CFAP95: variants seen among roughly 807,000 people sequenced by gnomAD.
CFAP95 encodes the protein cilia and flagella associated protein 95, also known as cilia- and flagella-associated protein 95.
At chr9:69,832,620 A>AGTTTTTTTTTTTTT in the CFAP95 span, among the ~76,000 whole-genome samples, 1 of 11,344 alleles carries the variant, frequency 8.8e-5, no homozygotes. Flanking sequence ...GTCTATTCGG[A>AGTTTTTTTTTTTTT]TTTTTTTTTT....
At chr9:69,848,552 G>A in the CFAP95 span, among the ~76,000 whole-genome samples, 1 of 152,094 alleles carries the variant, frequency 6.6e-6, no homozygotes, top group African/African-American at 2.4e-5. Flanking sequence ...CATACCCAGG[G>A]GAAACCAAAG....
chr9:69,881,977 CA>C, the CFAP95 span, among the ~76,000 whole-genome samples: 3 of 138,536 alleles, frequency 2.2e-5, no homozygotes, highest in African/African-American at 8.1e-5. Flanking sequence ...TCCCTGTTAA[CA>C]TATAGAAATG....
At chr9:69,880,169 A>G in the CFAP95 span, among the ~76,000 whole-genome samples, 2 of 152,180 alleles carry the variant, frequency 1.3e-5, no homozygotes, top group East Asian at 3.9e-4. Context: ...TAGTTATTTT[A>G]AAGTGTACAA....
chr9:69,905,582 T>C, the CFAP95 span, among the ~76,000 whole-genome samples: 1 of 152,174 alleles, frequency 6.6e-6, no homozygotes, highest in African/African-American at 2.4e-5. Flanking sequence ...TTCTTTGCAA[T>C]GGTTATAACA....
the CFAP95 span, among the ~76,000 whole-genome samples, chr9:69,904,824 T>C: frequency 3.3e-5 from 5 of 152,318 alleles, no homozygotes; most frequent in African/African-American, 1.2e-4. Flanking sequence ...CACAGAACAG[T>C]GACACAGATA....
At chr9:69,835,873 G>A in the CFAP95 span, among the ~76,000 whole-genome samples, 2 of 152,142 alleles carry the variant, frequency 1.3e-5, no homozygotes, top group Non-Finnish European at 2.9e-5. Context: ...AGAAACCCTA[G>A]AGTATAACCT....
At chr9:69,876,690 A>G in the CFAP95 span, among the ~76,000 whole-genome samples, 1 of 152,092 alleles carries the variant, frequency 6.6e-6, no homozygotes, top group African/African-American at 2.4e-5. Context: ...GCTAGAGTGC[A>G]ATGGCGCAGT....
At chr9:69,861,440 G>A in the CFAP95 span, among the ~76,000 whole-genome samples, 4 of 152,080 alleles carry the variant, frequency 2.6e-5, no homozygotes, top group African/African-American at 9.7e-5. Flanking sequence ...TATGAATACT[G>A]CATTATGTAT....
chr9:69,873,997 A>G, the CFAP95 span, among the ~76,000 whole-genome samples: 15 of 152,198 alleles, frequency 9.9e-5, no homozygotes, highest in African/African-American at 3.4e-4. Context: ...CTGCCTTATA[A>G]AGTATATAAT....
the CFAP95 span, among the ~76,000 whole-genome samples, chr9:69,841,132 A>G: frequency 7.7e-6 from 1 of 130,326 alleles, no homozygotes; most frequent in Admixed American, 8.5e-5. Context: ...AGTTAGACTG[A>G]TGGTATAAAG....
At chr9:69,843,144 C>T in the CFAP95 span, among the ~76,000 whole-genome samples, 1 of 152,084 alleles carries the variant, frequency 6.6e-6, no homozygotes, top group Non-Finnish European at 1.5e-5. Flanking sequence ...GCAGGGACTC[C>T]ATTAGACTCA....
chr9:69,825,304 A>T, the CFAP95 span, among the ~76,000 whole-genome samples: 143,713 of 152,222 alleles, frequency 0.94, 68,117 homozygotes, highest in East Asian at 1. Flanking sequence ...TTCCTCTGAT[A>T]ACACAGTTCA....
chr9:69,894,282 C>CT, the CFAP95 span, among the ~76,000 whole-genome samples: 3 of 152,158 alleles, frequency 2.0e-5, no homozygotes, highest in East Asian at 5.8e-4. Context: ...CAGCTTCAAC[C>CT]TTAGGATCTG....
At chr9:69,824,828 A>G in the CFAP95 span, among the ~76,000 whole-genome samples, 1 of 152,234 alleles carries the variant, frequency 6.6e-6, no homozygotes, top group Non-Finnish European at 1.5e-5. Flanking sequence ...CCAGAGGCTC[A>G]CAGAAACCTA....
At chr9:69,852,368 C>T in the CFAP95 span, among the ~76,000 whole-genome samples, 1 of 152,112 alleles carries the variant, frequency 6.6e-6, no homozygotes, top group Non-Finnish European at 1.5e-5. Flanking sequence ...GAGTTTTGAG[C>T]TGCTTGGTGT....
chr9:69,835,877 A>G, the CFAP95 span, among the ~76,000 whole-genome samples: 1 of 152,214 alleles, frequency 6.6e-6, no homozygotes, highest in African/African-American at 2.4e-5. Flanking sequence ...ACCCTAGAGT[A>G]TAACCTGTTT....
the CFAP95 span, among the ~76,000 whole-genome samples, chr9:69,852,474 G>T: frequency 1.3e-5 from 2 of 152,164 alleles, no homozygotes; most frequent in African/African-American, 4.8e-5. Context: ...TGTCTGGAGA[G>T]AGTGTGCATG....
At chr9:69,896,785 G>A in the CFAP95 span, among the ~76,000 whole-genome samples, 1 of 152,128 alleles carries the variant, frequency 6.6e-6, no homozygotes, top group Admixed American at 6.6e-5. Flanking sequence ...TGCTTTGGGA[G>A]GCTTGAGATG....
At chr9:69,849,950 A>G in the CFAP95 span, among the ~76,000 whole-genome samples, 1 of 152,200 alleles carries the variant, frequency 6.6e-6, no homozygotes, top group Non-Finnish European at 1.5e-5. Context: ...AATTCCATGA[A>G]AACTAAAATC....
Sources: allele counts gnomAD v4.1 joint callset (sites outside exome capture counted in the v4.1 genomes callset), GRCh38; gene constraint gnomAD v4.1.1; transcripts MANE v1.5; gene names NCBI Gene and HGNC (gene_info 2026-07-23, HGNC 2026-07-21).